CTNND2: variants seen among roughly 807,000 people sequenced by gnomAD.
CTNND2 encodes catenin delta-2.
In CTNND2, 22 loss-of-function variants were observed where a neutral mutation model predicts 144.4. That is an observed-to-expected ratio of 0.15 (90% CI 0.11 to 0.22). CTNND2 has a LOEUF of 0.22. Ranked by LOEUF, CTNND2 falls within the 10% of genes least tolerant of loss-of-function variation. The pLI, the probability that CTNND2 is intolerant of heterozygous loss-of-function variation, is 1.00. For missense variants in CTNND2, 1,353 were observed against 1,618.8 expected (o/e 0.84, Z 2.82); for synonymous variants, 751 against 695.6 (o/e 1.08, Z -1.25).
intron 15 of CTNND2, among the ~76,000 whole-genome samples, chr5:11,094,438 C>T (rs1156521616): frequency 6.6e-6 from 1 of 151,824 alleles, no homozygotes; most frequent in Non-Finnish European, 1.5e-5. Context: ...ATCTACTCTC[C>T]CTCCTTATGA....
At chr5:11,346,703 G>A (rs1754829719) in intron 8 of CTNND2, 76 bp from the exon 9 acceptor site, 4 of 1,326,892 alleles carry the variant, frequency 3.0e-6, no homozygotes, top group East Asian at 2.8e-5. Flanking sequence ...TCTAGGCAGG[G>A]GCAGGGGAAG....
Position 10,988,251 on chromosome 5 carries a change from A to C in CTNND2, c.3212-9T>G. The C allele has an allele frequency of 6.2e-7, 1 of 1,614,110 alleles. No individual in the cohort carries two copies. Among genetic ancestry groups the C allele is most frequent in the Non-Finnish European group, 8.5e-7 (1 of 1,179,958 alleles). Reference sequence around the variant, plus strand: ...TGAAGCTGGGGCACTTGCTACATAAAGAAATCAAAAGGGGGATTTTCTGCA... The same window carrying C: ...TGAAGCTGGGGCACTTGCTACATAACGAAATCAAAAGGGGGATTTTCTGCA... On this transcript the variant is annotated splice_polypyrimidine_tract_variant and intron_variant, in intron 19 of 21. Transcript: ENST00000304623. This position sits in a 1 kb window ranked among gnomAD's most constrained non-coding sequence, Gnocchi z 5.9.
At chr5:11,250,491 C>CTCTCTCTCTCTATATATATATA (rs869141186) in intron 9 of CTNND2, among the ~76,000 whole-genome samples, 3 of 64,108 alleles carry the variant, frequency 4.7e-5, no homozygotes, top group Non-Finnish European at 7.5e-5. Context: ...CTCTCTCTCT[C>CTCTCTCTCTCTATATATATATA]TATATATATA....
chr5:11,349,529 T>C (rs1358912024), intron 8 of CTNND2, among the ~76,000 whole-genome samples: 2 of 152,176 alleles, frequency 1.3e-5, no homozygotes, highest in African/African-American at 4.8e-5. Context: ...ATAGACACCA[T>C]GGCTACCAGG....
At chr5:11,277,478 T>C (rs1029132934) in intron 9 of CTNND2, among the ~76,000 whole-genome samples, 7 of 151,544 alleles carry the variant, frequency 4.6e-5, no homozygotes, top group African/African-American at 7.3e-5. Flanking sequence ...TGGGCTGCTC[T>C]GGTGCTTTAA....
At chr5:11,011,655 AGGGACT>A (rs1741096420) in intron 18 of CTNND2, among the ~76,000 whole-genome samples, 1 of 152,206 alleles carries the variant, frequency 6.6e-6, no homozygotes, top group Non-Finnish European at 1.5e-5. Context: ...CTTTAACAAC[AGGGACT>A]GCCCTGACCC....
In CTNND2 at chr5:11,660,919, G is replaced by A. The variant is rs1318385304; in HGVS notation, c.174+71217C>T. On this transcript the variant is annotated intron_variant, in intron 2 of 21. Coordinates refer to ENST00000304623, the MANE Select transcript of CTNND2 (RefSeq NM_001332.4). ...AAAAATCTTGAGAAAAATAACAAAT[G>A]GAAACTTTTAAAGAAGAATGTGAGA... Among the ~76,000 whole-genome samples the A allele has an allele frequency of 3.3e-5, 5 of 152,106 alleles. No homozygotes were observed. The East Asian group carries it at 7.7e-4, about 24-fold the overall frequency.
chr5:11,776,237 G>A (rs1480936809), intron 1 of CTNND2, among the ~76,000 whole-genome samples: 1 of 152,140 alleles, frequency 6.6e-6, no homozygotes, highest in East Asian at 1.9e-4. Context: ...TAGTCACAGA[G>A]GACTTCAGGC....
intron 6 of CTNND2, among the ~76,000 whole-genome samples, chr5:11,389,100 G>A (rs1759376092): frequency 6.6e-6 from 1 of 152,152 alleles, no homozygotes. Context: ...CCCATCCTTG[G>A]TCACACCATC....
At chr5:11,867,164 G>A (rs1277767963) in intron 1 of CTNND2, among the ~76,000 whole-genome samples, 2 of 152,192 alleles carry the variant, frequency 1.3e-5, no homozygotes, top group Non-Finnish European at 2.9e-5. Context: ...TGAAGCCAGG[G>A]ACAGTTTCAA....
chr5:11,098,519 T>C, intron 15 of CTNND2, 56 bp downstream of exon 15: 1 of 1,472,270 alleles, frequency 6.8e-7, no homozygotes, highest in Non-Finnish European at 9.2e-7. Flanking sequence ...TATATTGTTT[T>C]CTGAGGAGTT....
Position 11,296,620 on chromosome 5 carries a change from T to C in CTNND2, c.1628+49752A>G, listed in dbSNP as rs1448807774. ...AATGATAGACTGGATTAAGAAAATG[T>C]GGCACATATACACCATGGAATACTA... On this transcript the variant is annotated intron_variant, in intron 9 of 21. Coordinates refer to ENST00000304623, the MANE Select transcript of CTNND2 (RefSeq NM_001332.4). Among the ~76,000 whole-genome samples the C allele has an allele frequency of 2.6e-5, 4 of 152,284 alleles. No homozygotes were observed. The East Asian group carries it at 7.7e-4, about 29-fold the overall frequency.
At chr5:11,280,258 C>A (rs1227239133) in intron 9 of CTNND2, among the ~76,000 whole-genome samples, 1 of 152,076 alleles carries the variant, frequency 6.6e-6, no homozygotes, top group Non-Finnish European at 1.5e-5. Context: ...TACCAACCTA[C>A]TAAAAGAAGA....
chr5:11,045,267 G>A (rs1745114103), intron 16 of CTNND2, among the ~76,000 whole-genome samples: 2 of 152,166 alleles, frequency 1.3e-5, no homozygotes, highest in Non-Finnish European at 2.9e-5. Context: ...CATGGTGCCA[G>A]CATCTGCTTT....
intron 1 of CTNND2, among the ~76,000 whole-genome samples, chr5:11,746,150 A>C (rs73743222): frequency 0.016 from 2,424 of 152,086 alleles, 65 homozygotes; most frequent in African/African-American, 0.056. Context: ...TACACTACAC[A>C]CACCAAGCCT....
At chr5:11,137,635 AAGC>A (rs1756295191) in intron 12 of CTNND2, among the ~76,000 whole-genome samples, 1 of 152,210 alleles carries the variant, frequency 6.6e-6, no homozygotes, top group Non-Finnish European at 1.5e-5. Flanking sequence ...TTGGAAAAGA[AAGC>A]AGGTGACTGA....
chr5:11,691,255 C>A (rs1784895899), intron 2 of CTNND2, among the ~76,000 whole-genome samples: 1 of 151,884 alleles, frequency 6.6e-6, no homozygotes, highest in African/African-American at 2.4e-5. Flanking sequence ...CCTGTAGTCC[C>A]AGTTACTCGG....
chr5:10,983,191 G>A (rs1003320036), intron 20 of CTNND2, among the ~76,000 whole-genome samples: 1 of 152,134 alleles, frequency 6.6e-6, no homozygotes, highest in Non-Finnish European at 1.5e-5. Flanking sequence ...AATGTTTAAG[G>A]TGATGGTATC....
chr5:11,866,294 C>T (rs189668564), intron 1 of CTNND2, among the ~76,000 whole-genome samples: 25 of 152,214 alleles, frequency 1.6e-4, no homozygotes, highest in Admixed American at 1.2e-3. Context: ...TAACGCCAGA[C>T]GTTGTCTCTA....
Sources: allele counts gnomAD v4.1 joint callset (sites outside exome capture counted in the v4.1 genomes callset), GRCh38; gene constraint gnomAD v4.1.1; non-coding constraint Gnocchi (gnomAD v3.1); transcripts MANE v1.5; gene names NCBI Gene and HGNC (gene_info 2026-07-23, HGNC 2026-07-21).